KPNA3: variants seen among roughly 807,000 people sequenced by gnomAD.
KPNA3 encodes the protein importin subunit alpha-4.
A neutral mutation model predicts 73.8 loss-of-function variants in KPNA3; 13 were observed. The observed-to-expected ratio is 0.18, with a 90% CI of 0.11 to 0.28. The LOEUF (loss-of-function observed/expected upper bound fraction) is 0.28. Among genes scored for constraint, KPNA3 ranks in the 10% least tolerant of loss-of-function variants. The pLI is 1.00. For missense variants in KPNA3, 360 were observed against 618.1 expected (o/e 0.58, Z 4.43); for synonymous variants, 186 against 206.9 (o/e 0.90, Z 0.87).
intron 7 of KPNA3, among the ~76,000 whole-genome samples, chr13:49,724,798 T>C (rs1346962397): frequency 6.6e-6 from 1 of 152,104 alleles, no homozygotes; most frequent in Non-Finnish European, 1.5e-5. Context: ...GATTTTGTCA[T>C]GTCACCTAGG....
intron 1 of KPNA3, among the ~76,000 whole-genome samples, chr13:49,785,725 A>T (rs147847131): frequency 2.1e-3 from 319 of 152,204 alleles, no homozygotes; most frequent in Non-Finnish European, 4.0e-3. Flanking sequence ...GAGAACCAGG[A>T]AGCAGTATAT....
intron 10 of KPNA3, among the ~76,000 whole-genome samples, chr13:49,714,094 T>C (rs1381311185): frequency 6.6e-6 from 1 of 152,150 alleles, no homozygotes; most frequent in African/African-American, 2.4e-5. Context: ...AAAGGAAAAT[T>C]CATAGCCTTA....
At chr13:49,769,447 C>G (rs767830197) in intron 1 of KPNA3, among the ~76,000 whole-genome samples, 149 of 152,148 alleles carry the variant, frequency 9.8e-4, no homozygotes, top group Admixed American at 1.4e-3. Context: ...CCCCATGCTC[C>G]TTCCCACAAC....
chr13:49,782,496 C>T (rs1954948733), intron 1 of KPNA3, among the ~76,000 whole-genome samples: 1 of 152,180 alleles, frequency 6.6e-6, no homozygotes, highest in Admixed American at 6.5e-5. Context: ...AAGTATCAGT[C>T]TCTCCCACTA....
Position 49,701,890 on chromosome 13 carries a change from T to C in KPNA3, c.1476A>G (p.Glu492=). 1 of 1,609,430 alleles carries C rather than the reference T, an allele frequency of 6.2e-7. No individual in the cohort carries two copies. Among genetic ancestry groups the C allele is most frequent in the Non-Finnish European group, 8.5e-7 (1 of 1,175,850 alleles). The stretch of plus-strand genomic sequence containing the variant: ...TTGCTTCAGGAATGAGGCAGGGATC[T>C]TCATCAATCTGTAAAAAACAAGAAA... ...DQYFSGDDID[E]DPCLIPEATQ... Residue 492 remains glutamate, a synonymous_variant, in exon 17 of 17, where the codon GAA becomes GAG. Coordinates refer to ENST00000261667, the MANE Select transcript of KPNA3 (RefSeq NM_002267.4).
chr13:49,709,030 T>C (rs1183982881), intron 12 of KPNA3, among the ~76,000 whole-genome samples: 1 of 152,220 alleles, frequency 6.6e-6, no homozygotes, highest in African/African-American at 2.4e-5. Flanking sequence ...ATGCTCAGTC[T>C]ACTTAAATAG....
intron 3 of KPNA3, 70 bp downstream of exon 3, chr13:49,732,887 A>G (rs931281061): frequency 6.7e-6 from 9 of 1,351,558 alleles, no homozygotes; most frequent in Middle Eastern, 1.9e-4. Flanking sequence ...TTGGTCTTAT[A>G]TTAAAAATGA....
At position 49,716,793 on chromosome 13, in the gene KPNA3, T is replaced by G. The variant is rs1954308167; in HGVS notation, c.771+2982A>C. ...TTGGTTCTTCTTCCCTTGCTGCCAT[T>G]CCTGAAACGCCAGGAATTCCTAAGT... is the stretch of plus-strand genomic sequence containing the variant. On this transcript the variant is annotated intron_variant, in intron 10 of 16. Transcript: ENST00000261667. 2.0e-5 allele frequency among the ~76,000 whole-genome samples: 3 copies of G among 152,142 alleles called. No individual in the cohort carries two copies. In the South Asian group the frequency reaches 6.2e-4, roughly 32 times the overall value.
chr13:49,777,085 A>T (rs1305674074), intron 1 of KPNA3, among the ~76,000 whole-genome samples: 1 of 152,142 alleles, frequency 6.6e-6, no homozygotes, highest in Non-Finnish European at 1.5e-5. Flanking sequence ...TTTCCTGCTG[A>T]TTCAAATGTT....
At chr13:49,746,831 G>A in intron 2 of KPNA3, 118 bp downstream of exon 2, 1 of 692,240 alleles carries the variant, frequency 1.4e-6, no homozygotes, top group Non-Finnish European at 2.5e-6. Context: ...AGTATCCAGT[G>A]ATGTGTGGTT....
At chr13:49,777,667 ATT>A (rs146787105) in intron 1 of KPNA3, among the ~76,000 whole-genome samples, 3 of 141,362 alleles carry the variant, frequency 2.1e-5, no homozygotes, top group African/African-American at 2.6e-5. Flanking sequence ...CACCCAGATG[ATT>A]TTTTTTTTTT....
In KPNA3 at chr13:49,730,494, T is replaced by C. The variant is rs544101441; in HGVS notation, c.383+1877A>G. 7.8e-4 allele frequency among the ~76,000 whole-genome samples: 74 copies of C among 95,468 alleles called. 2 individuals carry two copies. Among genetic ancestry groups the C allele is most frequent in the African/African-American group, 2.7e-3 (69 of 25,128 alleles). The allele number at this position is 95,468 out of a possible 152,430, so 62.6% of individuals were successfully genotyped here. The stretch of plus-strand genomic sequence containing the variant: ...AAGATTGCACCACTGCACTCTACCC[T>C]GGGCAACAGAGCGAGACTCTGTCTC... On this transcript the variant is annotated intron_variant, in intron 6 of 16. Coordinates refer to ENST00000261667, the MANE Select transcript of KPNA3 (RefSeq NM_002267.4).
At chr13:49,728,497 C>A (rs900135868) in intron 6 of KPNA3, among the ~76,000 whole-genome samples, 6 of 152,168 alleles carry the variant, frequency 3.9e-5, no homozygotes, top group African/African-American at 1.4e-4. Flanking sequence ...TAGACAACAG[C>A]AGAGCTTCCA....
At chr13:49,724,494 A>C (rs939680473) in intron 7 of KPNA3, among the ~76,000 whole-genome samples, 2 of 151,796 alleles carry the variant, frequency 1.3e-5, no homozygotes, top group African/African-American at 4.8e-5. Context: ...TTTTTAGTAG[A>C]GACAGGGTTT....
chr13:49,736,923 C>T (rs57741597), intron 2 of KPNA3, among the ~76,000 whole-genome samples: 3,084 of 152,136 alleles, frequency 0.02, 42 homozygotes, highest in South Asian at 0.03. Flanking sequence ...TAAATGGGAT[C>T]GTATGGTATA....
chr13:49,762,080 C>T (rs1229624922), intron 1 of KPNA3, among the ~76,000 whole-genome samples: 24 of 151,742 alleles, frequency 1.6e-4, no homozygotes, highest in Admixed American at 2.6e-4. Flanking sequence ...CATCTCCGCC[C>T]GGCAGACGCC....
chr13:49,725,932 G>A (rs1954405457), intron 6 of KPNA3, among the ~76,000 whole-genome samples: 1 of 152,056 alleles, frequency 6.6e-6, no homozygotes, highest in Non-Finnish European at 1.5e-5. Flanking sequence ...ATGAGCCACT[G>A]CACCCAGCAG....
At chr13:49,739,863 T>C (rs1954557222) in intron 2 of KPNA3, among the ~76,000 whole-genome samples, 1 of 152,206 alleles carries the variant, frequency 6.6e-6, no homozygotes, top group African/African-American at 2.4e-5. Context: ...GCTTTAAACA[T>C]ATTATTTTTA....
chr13:49,727,452 A>C (rs1022726057), intron 6 of KPNA3, among the ~76,000 whole-genome samples: 7 of 151,610 alleles, frequency 4.6e-5, no homozygotes, highest in African/African-American at 1.7e-4. Flanking sequence ...CATCTCAAAA[A>C]AAAAAAAAAA....
Sources: gnomAD v4.1 joint callset for allele counts (sites outside exome capture counted in the v4.1 genomes callset) on GRCh38, gnomAD v4.1.1 for gene constraint, MANE v1.5 for transcripts, NCBI Gene and HGNC (gene_info 2026-07-23, HGNC 2026-07-21) for gene names.